CASP8: variants seen among roughly 807,000 people sequenced by gnomAD.
The protein encoded by CASP8 is caspase 8.
A neutral mutation model predicts 46.3 loss-of-function variants in CASP8; 24 were observed. The ratio of observed to expected loss-of-function variants is 0.52; its 90% confidence interval spans 0.38 to 0.73. The LOEUF (loss-of-function observed/expected upper bound fraction) is 0.73. CASP8 is among the 30% of genes least tolerant of loss of function. The pLI, the probability that CASP8 is intolerant of heterozygous loss-of-function variation, is 0.00. For missense variants in CASP8, 460 were observed against 559.0 expected, an observed-to-expected ratio of 0.82 and a Z score of 1.79; for synonymous variants, 188 against 200.4, an observed-to-expected ratio of 0.94 and a Z score of 0.52.
At chr2:201,279,672 GA>G (rs1409913433) in intron 7 of CASP8, among the ~76,000 whole-genome samples, 7 of 152,218 alleles carry the variant, frequency 4.6e-5, no homozygotes, top group African/African-American at 1.7e-4. Flanking sequence ...ATACGAAAGA[GA>G]GGTAGCTTGG....
intron 2 of CASP8, among the ~76,000 whole-genome samples, chr2:201,255,494 A>G (rs1946974723): frequency 1.3e-5 from 2 of 152,096 alleles, no homozygotes; most frequent in South Asian, 2.1e-4. Flanking sequence ...TGCTCCCCCC[A>G]TTCTCAGTAC....
intron 7 of CASP8, among the ~76,000 whole-genome samples, chr2:201,278,877 G>C (rs188755000): frequency 2.9e-4 from 44 of 152,270 alleles, no homozygotes; most frequent in African/African-American, 1.1e-3. Flanking sequence ...CTGATGTGCT[G>C]ACAGGGACAA....
Position 201,266,785 on chromosome 2 carries a change from C to A in CASP8, c.299C>A (p.Ala100Asp), listed in dbSNP as rs1380228001. 2 of 1,611,314 alleles carry A rather than the reference C, an allele frequency of 1.2e-6. No homozygotes were observed. ...LQTPGRAQIS[A>D]YRVMLYQISE... ...ACACCAGGCAGGGCTCAAATTTCTG[C>A]CTACAGGTGGGTGGAAACTCCCATT... Residue 100 changes from alanine (A) to aspartate (D), a missense_variant, in exon 2 of 9, where the codon GCC becomes GAC. Physicochemically the swap from Ala to Asp is moderately radical, Grantham distance 126. Transcript: ENST00000673742. The surrounding 1 kb of genome is among the most constrained non-coding windows in gnomAD (Gnocchi z 5.7).
At chr2:201,260,489 C>T (rs1416835157), upstream of CASP8, 8 of 973,930 alleles carry the variant, frequency 8.2e-6, no homozygotes, top group Admixed American at 6.2e-5. Context: ...TCAGGAGTTT[C>T]GAAACAGGAA....
At chr2:201,237,085 ATTT>A (rs34775964) in intron 2 of CASP8, among the ~76,000 whole-genome samples, 10 of 88,094 alleles carry the variant, frequency 1.1e-4, no homozygotes, top group Non-Finnish European at 2.0e-4. Context: ...ACCCCTTTCT[ATTT>A]TTTTTTTTTT....
chr2:201,258,850 C>T (rs1450067595), upstream of CASP8, among the ~76,000 whole-genome samples: 1 of 152,214 alleles, frequency 6.6e-6, no homozygotes, highest in Non-Finnish European at 1.5e-5. Flanking sequence ...TCTCCACCCC[C>T]ACCCTTGCCC....
chr2:201,273,797 CCT>C (rs768391046), intron 5 of CASP8, among the ~76,000 whole-genome samples: 94 of 152,136 alleles, frequency 6.2e-4, no homozygotes, highest in Middle Eastern at 6.8e-3. Flanking sequence ...GCCTCAACCC[CCT>C]GAGTAGCTGG....
intron 2 of CASP8, among the ~76,000 whole-genome samples, chr2:201,246,435 A>G (rs978610012): frequency 3.3e-5 from 5 of 152,150 alleles, no homozygotes; most frequent in Non-Finnish European, 7.4e-5. Flanking sequence ...CTGGAAGTCC[A>G]CCCCCATCCC....
intron 7 of CASP8, among the ~76,000 whole-genome samples, chr2:201,279,870 T>C (rs1306719782): frequency 6.6e-6 from 1 of 152,068 alleles, no homozygotes; most frequent in East Asian, 1.9e-4. Flanking sequence ...GAAGAATCAC[T>C]TGAACCTGGG....
intron 2 of CASP8, among the ~76,000 whole-genome samples, chr2:201,247,939 C>T (rs144352072): frequency 2.7e-4 from 41 of 152,164 alleles, no homozygotes; most frequent in African/African-American, 8.7e-4. Context: ...CCACTGCGCC[C>T]GGCCAACTTT....
intron 2 of CASP8, among the ~76,000 whole-genome samples, chr2:201,269,863 TAATGAGGAAAGCAAAAGGGTA>T (rs1368051396): frequency 6.6e-6 from 1 of 152,158 alleles, no homozygotes; most frequent in African/African-American, 2.4e-5. Flanking sequence ...TAGGCTTCAA[TAATGAGGAAAGCAAAAGGGTA>T]AATACCTTGT....
In CASP8 at chr2:201,272,998, A is replaced by G. The variant is rs1156547870; in HGVS notation, c.595+56A>G. On this transcript the variant is annotated intron_variant, in intron 5 of 8. Transcript: ENST00000673742. This position sits in a 1 kb window ranked among gnomAD's most constrained non-coding sequence, Gnocchi z 4.4. ...AGTTAATTTACTATCTGGTACCTGCATGTGTCCTCCCCACAGCCTTCTACC... is the reference window on the plus strand; with the variant it reads ...AGTTAATTTACTATCTGGTACCTGCGTGTGTCCTCCCCACAGCCTTCTACC... 1 of 1,432,890 alleles carries G rather than the reference A, an allele frequency of 7.0e-7. No individual in the cohort carries two copies. Among genetic ancestry groups the G allele is most frequent in the Non-Finnish European group, 9.8e-7 (1 of 1,017,376 alleles). 88.8% of individuals were successfully genotyped at this position (1,432,890 alleles called of 1,614,324 possible). A position where few individuals can be genotyped will look rare whatever the true frequency, so the allele number is the denominator to read the frequency against.
intron 2 of CASP8, among the ~76,000 whole-genome samples, chr2:201,246,154 G>A (rs1287488006): frequency 8.5e-5 from 13 of 152,222 alleles, no homozygotes; most frequent in Admixed American, 8.5e-4. Context: ...GTGAGCCACT[G>A]GGCCCAGCCA....
rs141260012 is a variant in CASP8, at chr2:201,272,903, A to C, written c.556A>C (p.Ser186Arg). 1.2e-4 allele frequency: 193 copies of C among 1,614,048 alleles called. No individual in the cohort carries two copies. Among genetic ancestry groups the C allele is most frequent in the Non-Finnish European group, 1.5e-4 (178 of 1,179,974 alleles). Residue 186 changes from serine to arginine, a missense_variant, in exon 5 of 9, where the codon AGC becomes CGC. Physicochemically the swap from Ser to Arg is moderately radical, Grantham distance 110. Coordinates refer to ENST00000673742, the MANE Select transcript of CASP8 (RefSeq NM_001372051.1). The surrounding 1 kb of genome is among the most constrained non-coding windows in gnomAD (Gnocchi z 4.4). ...GGTTTCCCCTTTTAATTCAGAGAGA[A>C]GCAGCAGCCTTGAAGGAAGTCCTGA... is the stretch of plus-strand genomic sequence containing the variant. The part of the protein sequence containing the change: ...NDYEEFSKER[S>R]SSLEGSPDEF...
chr2:201,250,209 C>T (rs914976855), intron 2 of CASP8, among the ~76,000 whole-genome samples: 1 of 152,224 alleles, frequency 6.6e-6, no homozygotes, highest in African/African-American at 2.4e-5. Context: ...GGGCATCTCT[C>T]ACCTGAGGGT....
chr2:201,251,002 T>C (rs1372369957), intron 2 of CASP8, among the ~76,000 whole-genome samples: 2 of 152,240 alleles, frequency 1.3e-5, no homozygotes, highest in East Asian at 1.9e-4. Context: ...GTTGGAATCA[T>C]ACAGTATGTA....
At chr2:201,256,871 C>T (rs556556897), upstream of CASP8, among the ~76,000 whole-genome samples, 25 of 152,316 alleles carry the variant, frequency 1.6e-4, no homozygotes, top group African/African-American at 5.8e-4. Context: ...CATGGCTGGG[C>T]GCGCTGCCTC....
chr2:201,265,390 A>AG (rs1446300189), intron 1 of CASP8, among the ~76,000 whole-genome samples: 2 of 151,636 alleles, frequency 1.3e-5, no homozygotes, highest in African/African-American at 4.9e-5. Flanking sequence ...AAAAAAAAAA[A>AG]ACGAAAACTA....
At chr2:201,243,526 T>C (rs1946386420) in intron 2 of CASP8, among the ~76,000 whole-genome samples, 1 of 152,192 alleles carries the variant, frequency 6.6e-6, no homozygotes, top group Non-Finnish European at 1.5e-5. Flanking sequence ...CTGACATTTC[T>C]TTTTGATAAT....
Sources: allele counts gnomAD v4.1 joint callset (sites outside exome capture counted in the v4.1 genomes callset), GRCh38; gene constraint gnomAD v4.1.1; non-coding constraint Gnocchi (gnomAD v3.1); transcripts MANE v1.5; gene names NCBI Gene and HGNC (gene_info 2026-07-23, HGNC 2026-07-21).